ABCA12: variants seen among roughly 807,000 people sequenced by gnomAD.
The protein encoded by ABCA12 is glucosylceramide transporter ABCA12.
Under a neutral mutation model 293.5 loss-of-function variants are expected in ABCA12, and 156 were observed. The observed-to-expected ratio is 0.53, with a 90% CI of 0.47 to 0.61. ABCA12 has a LOEUF of 0.61. Among genes scored for constraint, ABCA12 ranks in the 20% least tolerant of loss-of-function variants. ABCA12 has a pLI of 0.00. For missense variants in ABCA12, 2,797 were observed against 3,090.2 expected (o/e 0.91, Z 2.25); for synonymous variants, 1,063 against 1,108.0 (o/e 0.96, Z 0.81).
At position 215,072,122 on chromosome 2, in the gene ABCA12, C is replaced by T. The variant is rs534129982; in HGVS notation, c.164-7903G>A. 6.0e-4 allele frequency among the ~76,000 whole-genome samples: 92 copies of T among 152,258 alleles called. No homozygotes were observed. In the Middle Eastern group the frequency reaches 0.01, roughly 17 times the overall value. ...GCAGTGATTAAGGAGTTCCTGTACT[C>T]AAAACGTTGGCACCTGAATATGTTC... On this transcript the variant is annotated intron_variant, in intron 2 of 52. Transcript: ENST00000272895.
At chr2:215,008,396 AACACACAC>A (rs144250227) in intron 18 of ABCA12, among the ~76,000 whole-genome samples, 1 of 150,882 alleles carries the variant, frequency 6.6e-6, no homozygotes, top group East Asian at 1.9e-4. Flanking sequence ...TAGCAAGAAA[AACACACAC>A]ACACACACAC....
At chr2:215,041,311 TG>T (rs1258181524) in intron 7 of ABCA12, among the ~76,000 whole-genome samples, 1 of 152,110 alleles carries the variant, frequency 6.6e-6, no homozygotes. Flanking sequence ...CCCAGCACTT[TG>T]GGAGGCTGAG....
intron 35 of ABCA12, 142 bp downstream of exon 35, chr2:214,974,636 T>C: frequency 1.3e-6 from 1 of 786,862 alleles, no homozygotes; most frequent in Non-Finnish European, 2.2e-6. Flanking sequence ...CTAAAGGAGA[T>C]AGACAAAATC....
chr2:215,123,425 C>T (rs1702850095), intron 1 of ABCA12, among the ~76,000 whole-genome samples: 1 of 152,218 alleles, frequency 6.6e-6, no homozygotes, highest in African/African-American at 2.4e-5. Flanking sequence ...CCTGCCTCAG[C>T]CTCCCACAGT....
intron 1 of ABCA12, among the ~76,000 whole-genome samples, chr2:215,122,815 G>A (rs1267849317): frequency 6.6e-6 from 1 of 152,112 alleles, no homozygotes; most frequent in Non-Finnish European, 1.5e-5. Flanking sequence ...TTGCGATTTG[G>A]GGGTACATGT....
At chr2:215,045,306 A>G in intron 7 of ABCA12, among the ~76,000 whole-genome samples, 1 of 152,190 alleles carries the variant, frequency 6.6e-6, no homozygotes, top group East Asian at 1.9e-4. Flanking sequence ...TCTTTATAAC[A>G]TATATACCAA....
intron 2 of ABCA12, 72 bp downstream of exon 2, chr2:215,111,525 C>T: frequency 7.8e-7 from 1 of 1,288,366 alleles, no homozygotes. Context: ...AAATGAAACA[C>T]TAAAGTGGTA....
intron 7 of ABCA12, among the ~76,000 whole-genome samples, chr2:215,040,751 G>A (rs989308397): frequency 3.9e-5 from 6 of 152,190 alleles, no homozygotes; most frequent in African/African-American, 1.4e-4. Flanking sequence ...GGTGGAGGTT[G>A]CAGTGAGCTG....
Position 215,138,420 on chromosome 2 carries a change from C to A in ABCA12, c.-212G>T. The A allele has an allele frequency of 1.7e-6, 1 of 594,802 alleles. No individual in the cohort carries two copies. Among genetic ancestry groups the A allele is most frequent in the South Asian group, 1.9e-5 (1 of 51,642 alleles). 36.8% of individuals were successfully genotyped at this position (594,802 alleles called of 1,614,324 possible). A position where few individuals can be genotyped will look rare whatever the true frequency, so the allele number is the denominator to read the frequency against. ...CCTTAACCAAGAGGCACTTCTCAAT[C>A]AACTCTTCTTCCAAAAGAAGGACCC... On this transcript the variant is annotated 5_prime_UTR_variant, in exon 1 of 53. Coordinates refer to ENST00000272895, the MANE Select transcript of ABCA12 (RefSeq NM_173076.3).
rs754866456 is a variant in ABCA12, at chr2:214,990,807, G to A, written c.3519C>T (p.Asn1173=). 4 of 1,614,134 alleles carry A rather than the reference G, an allele frequency of 2.5e-6. No individual in the cohort carries two copies. Among genetic ancestry groups the A allele is most frequent in the South Asian group, 1.1e-5 (1 of 91,080 alleles). The change falls in exon 24 of 53, where the codon AAC becomes AAT. Residue 1173 remains asparagine, a synonymous_variant. Coordinates refer to ENST00000272895, the MANE Select transcript of ABCA12 (RefSeq NM_173076.3). ...YLISVFFNNT[N]IAALIGSLIY... is the part of the protein sequence containing the mutation. Reference sequence around the variant, plus strand: ...TGAGGCTTCCGATCAGAGCTGCAATGTTGGTGTTGTTGAAGAAGACACTGA... The same window carrying A: ...TGAGGCTTCCGATCAGAGCTGCAATATTGGTGTTGTTGAAGAAGACACTGA...
chr2:214,981,956 TATTA>T lies in ABCA12; in HGVS notation c.4579+227_4579+230del, dbSNP rs1559128642. On this transcript the variant is annotated intron_variant, in intron 30 of 52. Transcript: ENST00000272895. ...AGTCAGCTGTTTTTATTATTATTATTATTATTATTATTATTATTATTATTATTAT... is the reference window on the plus strand; with the variant it reads ...AGTCAGCTGTTTTTATTATTATTATTTTATTATTATTATTATTATTATTAT... 1.2e-4 allele frequency among the ~76,000 whole-genome samples: 16 copies of T among 132,700 alleles called. 1 individual carries two copies. Among genetic ancestry groups the T allele is most frequent in the Admixed American group, 2.4e-4 (3 of 12,582 alleles). 87.1% of individuals were successfully genotyped at this position (132,700 alleles called of 152,430 possible). A position where few individuals can be genotyped will look rare whatever the true frequency, so the allele number is the denominator to read the frequency against.
chr2:215,077,637 A>G (rs2106090169), intron 2 of ABCA12, among the ~76,000 whole-genome samples: 2 of 152,346 alleles, frequency 1.3e-5, no homozygotes, highest in South Asian at 4.1e-4. Context: ...GAGCTAAATT[A>G]AGTCCTGCAA....
At chr2:215,045,789 A>T in intron 7 of ABCA12, 48 bp downstream of exon 7, 1 of 1,551,264 alleles carries the variant, frequency 6.4e-7, no homozygotes, top group Non-Finnish European at 8.9e-7. Context: ...TTTTTTAAAC[A>T]CTTCTTTGTG....
intron 22 of ABCA12, 39 bp downstream of exon 22, chr2:215,000,666 T>G: frequency 6.2e-7 from 1 of 1,610,496 alleles, no homozygotes; most frequent in South Asian, 1.1e-5. Flanking sequence ...CTCAGAAAAG[T>G]TGTTGATCAT....
chr2:215,012,086 A>G lies in ABCA12; in HGVS notation c.2006T>C (p.Leu669Pro). ...DQKPVEKMME[L>P]FIRLKEILNQ... The stretch of plus-strand genomic sequence containing the variant: ...GAGAATCTCTTTTAGTCTTATGAAG[A>G]GCTCCATCATCTTTTCTACTGGCTT... The change falls in exon 16 of 53, where the codon CTC becomes CCC. Residue 669 changes from leucine to proline, a missense_variant. Leu to Pro is a moderately conservative substitution (Grantham distance 98). Coordinates refer to ENST00000272895, the MANE Select transcript of ABCA12 (RefSeq NM_173076.3). The G allele has an allele frequency of 2.5e-6, 4 of 1,613,966 alleles. No homozygotes were observed. The South Asian group carries it at 4.4e-5, about 18-fold the overall frequency.
At chr2:215,026,203 C>T (rs1700741606) in intron 10 of ABCA12, among the ~76,000 whole-genome samples, 1 of 152,044 alleles carries the variant, frequency 6.6e-6, no homozygotes, top group Non-Finnish European at 1.5e-5. Flanking sequence ...TATTTGCTTG[C>T]CATTAACTCT....
At position 215,025,270 on chromosome 2, in the gene ABCA12, A is replaced by G. The variant is rs113215563; in HGVS notation, c.1287+403T>C. 7.2e-5 allele frequency: 12 copies of G among 166,758 alleles called. No homozygotes were observed. In the East Asian group the frequency reaches 1.9e-3, roughly 27 times the overall value. The allele number at this position is 166,758 out of a possible 1,614,324, so 10.3% of individuals were successfully genotyped here. A position where few individuals can be genotyped will look rare whatever the true frequency, so the allele number is the denominator to read the frequency against. Reference sequence around the variant, plus strand: ...TGCCGAGATCTCCACTGATTAAAAAAAAATACCATTATATAACATCAAACT... The same window carrying G: ...TGCCGAGATCTCCACTGATTAAAAAGAAATACCATTATATAACATCAAACT... On this transcript the variant is annotated intron_variant, in intron 11 of 52. Coordinates refer to ENST00000272895, the MANE Select transcript of ABCA12 (RefSeq NM_173076.3).
chr2:214,941,118 T>C (rs1487736987), intron 50 of ABCA12, among the ~76,000 whole-genome samples: 2 of 152,196 alleles, frequency 1.3e-5, no homozygotes, highest in Non-Finnish European at 2.9e-5. Context: ...TAAATTTCCC[T>C]CTAAACACTG....
intron 2 of ABCA12, among the ~76,000 whole-genome samples, chr2:215,108,573 A>C (rs1420022226): frequency 6.6e-6 from 1 of 152,210 alleles, no homozygotes; most frequent in Non-Finnish European, 1.5e-5. Flanking sequence ...TGAGATGAAT[A>C]ATACAGTCAC....
Sources: allele counts gnomAD v4.1 joint callset (sites outside exome capture counted in the v4.1 genomes callset), GRCh38; gene constraint gnomAD v4.1.1; transcripts MANE v1.5; gene names NCBI Gene and HGNC (gene_info 2026-07-23, HGNC 2026-07-21).